The following RAG2 variants were observed in gnomAD, a reference collection of about 807,000 sequenced individuals.
RAG2 encodes recombination activating 2.
Under a neutral mutation model 31.8 loss-of-function variants are expected in RAG2, and 16 were observed. That is an observed-to-expected ratio of 0.50 (90% CI 0.34 to 0.76). RAG2 has a LOEUF of 0.76. Ranked by LOEUF, RAG2 falls within the 30% of genes least tolerant of loss-of-function variation. The pLI is 0.01. For missense variants in RAG2, 622 were observed against 628.5 expected, an observed-to-expected ratio of 0.99 and a Z score of 0.11; for synonymous variants, 199 against 215.9, an observed-to-expected ratio of 0.92 and a Z score of 0.68.
rs116109232 is a variant in RAG2 at position 36,594,508 on chromosome 11, G to C, written c.-27-313C>G. ...CATTTCCCAAGAATCCGTTCTCTCT[G>C]GGATGTGTAGCTTTGGAAATCTGTC... On this transcript the variant is annotated intron_variant, in intron 1 of 1. Coordinates refer to ENST00000311485, the MANE Select transcript of RAG2 (RefSeq NM_000536.4). 3,009 of 329,184 alleles carry C rather than the reference G, an allele frequency of 9.1e-3. 70 individuals are homozygous for C. The highest frequency in any genetic ancestry group is 0.058 in the African/African-American group (2,763 of 47,546). 20.4% of individuals were successfully genotyped at this position (329,184 alleles called of 1,614,324 possible). A position where few individuals can be genotyped will look rare whatever the true frequency, so the allele number is the denominator to read the frequency against.
In RAG2 at chr11:36,594,022, ATCCAGATGGAAAAC is replaced by A. The variant is rs1397294905; in HGVS notation, c.133_146del (p.Val45CysfsTer4). 1 of 1,614,068 alleles carries A rather than the reference ATCCAGATGGAAAAC, an allele frequency of 6.2e-7. No individual in the cohort carries two copies. On this transcript the variant is annotated frameshift_variant, in exon 2 of 2. Transcript: ENST00000311485. LOFTEE classifies it high-confidence loss of function. ...TCAGTTTGACATGGTTATGCTTTAC[ATCCAGATGGAAAAC>A]TCCAGTGGGGCAGGATCTTTTGGGC...
Position 36,594,710 on chromosome 11 carries a change from G to C in RAG2, c.-27-515C>G, listed in dbSNP as rs558269729. On this transcript the variant is annotated intron_variant, in intron 1 of 1. Coordinates refer to ENST00000311485, the MANE Select transcript of RAG2 (RefSeq NM_000536.4). Reference sequence around the variant, plus strand: ...GCTGCAGCGCCCGGAGCGGTGTCGGGCAAACCGCTACCCTGGTATTGCTGG... The same window carrying C: ...GCTGCAGCGCCCGGAGCGGTGTCGGCCAAACCGCTACCCTGGTATTGCTGG... The C allele has an allele frequency of 5.4e-4, 86 of 160,592 alleles. No homozygotes were observed. In the South Asian group the frequency reaches 0.014, roughly 27 times the overall value. The allele number at this position is 160,592 out of a possible 1,614,324, so 9.9% of individuals were successfully genotyped here. A position where few individuals can be genotyped will look rare whatever the true frequency, so the allele number is the denominator to read the frequency against.
In RAG2 at chr11:36,592,908, G is replaced by A. The variant is rs1389225912; in HGVS notation, c.1261C>T (p.Pro421Ser). 1 of 1,614,064 alleles carries A rather than the reference G, an allele frequency of 6.2e-7. No homozygotes were observed. The highest frequency in any genetic ancestry group is 1.3e-5 in the African/African-American group (1 of 75,000). ...SETGYWITCC[P>S]TCDVDINTWV... is the part of the protein sequence containing the mutation. The stretch of plus-strand genomic sequence containing the variant: ...GTGTTGATATCCACATCACAAGTAG[G>A]GCAGCATGTAATCCAGTAGCCTGTC... The change falls in exon 2 of 2, where the codon CCT (proline) becomes TCT (serine). Residue 421 changes from proline (P) to serine (S), a missense_variant. Physicochemically the swap from Pro to Ser is moderately conservative, Grantham distance 74 (BLOSUM62 -1). Coordinates refer to ENST00000311485, the MANE Select transcript of RAG2 (RefSeq NM_000536.4).
At position 36,593,332 on chromosome 11, in the gene RAG2, A is replaced by T; in HGVS notation, c.837T>A (p.Leu279=). The change falls in exon 2 of 2, where the codon CTT becomes CTA. Residue 279 remains leucine (L), a synonymous_variant. Transcript: ENST00000311485. ...TGCAGATCATTCTTTTTTGATTTTC[A>T]AGCTGATAGCCACCAACAATAACAA... is the stretch of plus-strand genomic sequence containing the variant. ...DEFVIVGGYQ[L]ENQKRMICNI... 1 of 1,614,048 alleles carries T rather than the reference A, an allele frequency of 6.2e-7. No homozygotes were observed.
chr11:36,593,473 G>A lies in RAG2; in HGVS notation c.696C>T (p.Asn232=), dbSNP rs2133313876. 1.2e-6 allele frequency: 2 copies of A among 1,613,956 alleles called. No individual in the cohort carries two copies. Among genetic ancestry groups the A allele is most frequent in the Non-Finnish European group, 1.7e-6 (2 of 1,180,024 alleles). Residue 232 remains asparagine, a synonymous_variant, in exon 2 of 2, where the codon AAC becomes AAT. Coordinates refer to ENST00000311485, the MANE Select transcript of RAG2 (RefSeq NM_000536.4). ...HSLANNIRPA[N]LYRIRVDLPL... ...GAAGATCAACCCTTATTCTGTACAGGTTGGCAGGCCGGATATTATTGGCAA... is the reference window on the plus strand; with the variant it reads ...GAAGATCAACCCTTATTCTGTACAGATTGGCAGGCCGGATATTATTGGCAA...
intron 1 of RAG2, chr11:36,594,468 C>T: frequency 2.4e-6 from 1 of 419,740 alleles, no homozygotes; most frequent in Non-Finnish European, 4.3e-6. Context: ...CACCATGCGT[C>T]AGCTGAAAGA....
At chr11:36,594,490 C>A in intron 1 of RAG2, 1 of 373,250 alleles carries the variant, frequency 2.7e-6, no homozygotes, top group Non-Finnish European at 4.9e-6. Flanking sequence ...CCACATTTCC[C>A]AAGAATCCGT....
chr11:36,592,768 G>A lies in RAG2; in HGVS notation c.1401C>T (p.Ile467=), dbSNP rs754682981. 1.2e-6 allele frequency: 2 copies of A among 1,614,124 alleles called. No homozygotes were observed. Among genetic ancestry groups the A allele is most frequent in the South Asian group, 1.1e-5 (1 of 91,084 alleles). Residue 467 remains isoleucine (I), a synonymous_variant, in exon 2 of 2, where the codon ATC becomes ATT. Coordinates refer to ENST00000311485, the MANE Select transcript of RAG2 (RefSeq NM_000536.4). The stretch of plus-strand genomic sequence containing the variant: ...ACTTGTTGCTTCCTGCTGACAGATG[G>A]ATGAGTGTGCGTTCTGCCAGATCCA... ...QCMDLAERTL[I]HLSAGSNKYY...
chr11:36,591,089 A>C (rs1034257619), downstream of RAG2, among the ~76,000 whole-genome samples: 7 of 152,154 alleles, frequency 4.6e-5, no homozygotes, highest in African/African-American at 1.7e-4. Context: ...GAAGATTTTT[A>C]TATTTTATTA....
rs1851038343 is a variant in RAG2, at chr11:36,592,543, T to C, written c.*42A>G. Reference sequence around the variant, plus strand: ...CAATGTTATGATTTTAAAAATAGATTCAAAAATTCCATACACCTGAATCTG... The same window carrying C: ...CAATGTTATGATTTTAAAAATAGATCCAAAAATTCCATACACCTGAATCTG... On this transcript the variant is annotated 3_prime_UTR_variant, in exon 2 of 2. Coordinates refer to ENST00000311485, the MANE Select transcript of RAG2 (RefSeq NM_000536.4). 4 of 1,600,874 alleles carry C rather than the reference T, an allele frequency of 2.5e-6. No individual in the cohort carries two copies. Among genetic ancestry groups the C allele is most frequent in the Non-Finnish European group, 2.6e-6 (3 of 1,173,140 alleles).
In RAG2 at chr11:36,592,521, T is replaced by C. The variant is rs1851037783; in HGVS notation, c.*64A>G. The C allele has an allele frequency of 5.1e-6, 8 of 1,568,522 alleles. No individual in the cohort carries two copies. The Admixed American group carries it at 1.4e-4, about 28-fold the overall frequency. On this transcript the variant is annotated 3_prime_UTR_variant, in exon 2 of 2. Coordinates refer to ENST00000311485, the MANE Select transcript of RAG2 (RefSeq NM_000536.4). ...AACAAAAATGTATTTTTAAAATCAA[T>C]GTTATGATTTTAAAAATAGATTCAA...
intron 1 of RAG2, chr11:36,594,543 C>T (rs559735360): frequency 6.4e-4 from 172 of 269,178 alleles, no homozygotes; most frequent in African/African-American, 3.7e-3. Flanking sequence ...CTTTGTTGCT[C>T]TGGGAGAGGG....
rs193922574 is a variant in RAG2 at position 36,593,952 on chromosome 11, G to A, written c.217C>T (p.Arg73Cys). The change falls in exon 2 of 2, where the codon CGC (arginine) becomes TGC (cysteine). Residue 73 changes from arginine to cysteine, a missense_variant. By Grantham distance (180) the Arg-to-Cys change is radical. Coordinates refer to ENST00000311485, the MANE Select transcript of RAG2 (RefSeq NM_000536.4). ...TTGAATGTGCAAGTGGCTGGGTAGCGAAGAGGAGGGAGGTAGCAGGAATCC... is the reference window on the plus strand; with the variant it reads ...TTGAATGTGCAAGTGGCTGGGTAGCAAAGAGGAGGGAGGTAGCAGGAATCC... Reference protein sequence around the residue: ...SKDSCYLPPLRYPATCTFKGS... With the variant: ...SKDSCYLPPLCYPATCTFKGS... The A allele has an allele frequency of 3.9e-5, 63 of 1,614,096 alleles. No homozygotes were observed. Among genetic ancestry groups the A allele is most frequent in the Non-Finnish European group, 4.9e-5 (58 of 1,180,032 alleles).
Position 36,593,037 on chromosome 11 carries a change from A to AG in RAG2, c.1131dup (p.Phe378LeufsTer2). ...AAACAAAATTCTTCAGAGTCTTCAA[A>AG]GGGAGTGGAATCCCCTGGATCTTCT... is the stretch of plus-strand genomic sequence containing the variant. On this transcript the variant is annotated frameshift_variant, in exon 2 of 2. Transcript: ENST00000311485. LOFTEE classifies it high-confidence loss of function. 1 of 1,614,196 alleles carries AG rather than the reference A, an allele frequency of 6.2e-7. No homozygotes were observed. The highest frequency in any genetic ancestry group is 1.1e-5 in the South Asian group (1 of 91,078).
rs1206909093 is a variant in RAG2, at chr11:36,593,118, C to T, written c.1051G>A (p.Ala351Thr). ...TGCTCTTCATTAGTATCATCTTCAG[C>T]ACATTTCAACATATAGAAATAGAAT... ...EGFYFYMLKC[A>T]EDDTNEEQTT... The change falls in exon 2 of 2, where the codon GCT becomes ACT. Residue 351 changes from alanine to threonine, a missense_variant. Physicochemically the swap from Ala to Thr is moderately conservative, Grantham distance 58. Coordinates refer to ENST00000311485, the MANE Select transcript of RAG2 (RefSeq NM_000536.4). 1 of 1,614,108 alleles carries T rather than the reference C, an allele frequency of 6.2e-7. No homozygotes were observed. The highest frequency in any genetic ancestry group is 8.5e-7 in the Non-Finnish European group (1 of 1,179,984).
Position 36,592,237 on chromosome 11 carries a change from G to C in RAG2, c.*348C>G, listed in dbSNP as rs901433887. The C allele has an allele frequency of 3.7e-5, 10 of 270,704 alleles. No homozygotes were observed. Among genetic ancestry groups the C allele is most frequent in the Non-Finnish European group, 7.1e-5 (10 of 140,342 alleles). 16.8% of individuals were successfully genotyped at this position (270,704 alleles called of 1,614,324 possible). ...CTAAATTTGTCATAAACACTTTATAGGTTATTTGTTACCAAGACTTATATA... is the reference window on the plus strand; with the variant it reads ...CTAAATTTGTCATAAACACTTTATACGTTATTTGTTACCAAGACTTATATA... On this transcript the variant is annotated 3_prime_UTR_variant, in exon 2 of 2. Transcript: ENST00000311485.
intron 1 of RAG2, chr11:36,597,853 T>C (rs1202492480): frequency 6.6e-6 from 1 of 152,188 alleles, no homozygotes; most frequent in African/African-American, 2.4e-5. Flanking sequence ...CTTCCTGTCT[T>C]AGGCCAGAGA....
Position 36,593,218 on chromosome 11 carries a change from C to A in RAG2, c.951G>T (p.Trp317Cys). ...TTCCATTTCCCATGTTGCTTCCAAA[C>A]CATATCTTGCTGTGCTTAATGTCTG... ...WTPDIKHSKI[W>C]FGSNMGNGTV... is the part of the protein sequence containing the mutation. The change falls in exon 2 of 2, where the codon TGG becomes TGT. Residue 317 changes from tryptophan (W) to cysteine (C), a missense_variant. Trp to Cys is a radical substitution (Grantham distance 215). Coordinates refer to ENST00000311485, the MANE Select transcript of RAG2 (RefSeq NM_000536.4). 6.2e-7 allele frequency: 1 copy of A among 1,614,194 alleles called. No individual in the cohort carries two copies. Among genetic ancestry groups the A allele is most frequent in the Non-Finnish European group, 8.5e-7 (1 of 1,180,032 alleles).
In RAG2 at chr11:36,593,793, C is replaced by G. The variant is rs774716621; in HGVS notation, c.376G>C (p.Glu126Gln). The stretch of plus-strand genomic sequence containing the variant: ...GGAACATCTCCTACCAAGTCTTTCT[C>G]TGTGCAGCGAAAAGTAACCTTTTTG... ...NNKKVTFRCT[E>Q]KDLVGDVPEA... Residue 126 changes from glutamate to glutamine, a missense_variant, in exon 2 of 2, where the codon GAG (glutamate) becomes CAG (glutamine). Transcript: ENST00000311485. 1.2e-6 allele frequency: 2 copies of G among 1,614,218 alleles called. No homozygotes were observed. Among genetic ancestry groups the G allele is most frequent in the East Asian group, 4.5e-5 (2 of 44,886 alleles).
Sources: allele counts gnomAD v4.1 joint callset (sites outside exome capture counted in the v4.1 genomes callset), GRCh38; gene constraint gnomAD v4.1.1; transcripts MANE v1.5; gene names NCBI Gene and HGNC (gene_info 2026-07-23, HGNC 2026-07-21).